Variants in NUP98 observed in about 807,000 individuals in gnomAD.
The protein encoded by NUP98 is nuclear pore complex protein Nup98-Nup96.
Under a neutral mutation model 191.9 loss-of-function variants are expected in NUP98, and 26 were observed. The ratio of observed to expected loss-of-function variants is 0.14; its 90% CI spans 0.10 to 0.19. NUP98 has a LOEUF of 0.19. Ranked by LOEUF, NUP98 falls within the 10% of genes least tolerant of loss-of-function variation. The pLI is 1.00. For synonymous variants in NUP98, 808 were observed against 778.4 expected, an observed-to-expected ratio of 1.04 and a Z score of -0.63; for missense variants, 1,941 against 2,178.8, an observed-to-expected ratio of 0.89 and a Z score of 2.17.
rs1420356922 is a variant in NUP98 at position 3,706,543 on chromosome 11, C to G, written c.2827G>C (p.Asp943His). 6.2e-7 allele frequency: 1 copy of G among 1,614,016 alleles called. No homozygotes were observed. Among genetic ancestry groups the G allele is most frequent in the African/African-American group, 1.3e-5 (1 of 74,920 alleles). Residue 943 changes from aspartate to histidine, a missense_variant, in exon 21 of 33, where the codon GAT becomes CAT. By Grantham distance (81) the Asp-to-His change is moderately conservative. Transcript: ENST00000324932. ...MVDITQEPVLDTMLEESMPED... is the reference protein window; with the variant it reads ...MVDITQEPVLHTMLEESMPED... ...GGCATGCTCTCTTCTAACATGGTAT[C>G]CAAAACTGGCTCCTGGGTGATATCT...
In NUP98 at chr11:3,744,524, G is replaced by T; in HGVS notation, c.1393C>A (p.Pro465Thr). The change falls in exon 12 of 33, where the codon CCC (proline) becomes ACC (threonine). Residue 465 changes from proline to threonine, a missense_variant. Coordinates refer to ENST00000324932, the MANE Select transcript of NUP98 (RefSeq NM_016320.5). ...TTTATLGFGA[P>T]QAPVALTDPN... ...TGACACTTACCTACTGGGGCCTGGG[G>T]GGCTCCAAAGCCCAAAGTGGCTGTC... The T allele has an allele frequency of 6.2e-7, 1 of 1,612,362 alleles. No individual in the cohort carries two copies. The highest frequency in any genetic ancestry group is 1.1e-5 in the South Asian group (1 of 90,798).
intron 12 of NUP98, among the ~76,000 whole-genome samples, chr11:3,737,621 C>T (rs140676292): frequency 6.6e-6 from 1 of 152,138 alleles, no homozygotes; most frequent in East Asian, 1.9e-4. Flanking sequence ...AGCGAGATTC[C>T]GTCTCAAAAA....
intron 29 of NUP98, among the ~76,000 whole-genome samples, chr11:3,683,937 G>A (rs2078057392): frequency 6.6e-6 from 1 of 152,168 alleles, no homozygotes; most frequent in African/African-American, 2.4e-5. Context: ...GCCAGGCACA[G>A]TGCCTCACGC....
intron 28 of NUP98, among the ~76,000 whole-genome samples, chr11:3,688,503 G>A (rs927108576): frequency 1.3e-5 from 2 of 151,110 alleles, no homozygotes; most frequent in Non-Finnish European, 3.0e-5. Flanking sequence ...AATTAATATA[G>A]TTAAATACTG....
chr11:3,696,009 T>C (rs1589975675), intron 25 of NUP98, among the ~76,000 whole-genome samples: 1 of 151,952 alleles, frequency 6.6e-6, no homozygotes, highest in African/African-American at 2.4e-5. Context: ...CTGACCAACA[T>C]GGTGAAACCC....
At chr11:3,774,633 G>A (rs935699503) in intron 5 of NUP98, among the ~76,000 whole-genome samples, 3 of 151,844 alleles carry the variant, frequency 2.0e-5, no homozygotes, top group South Asian at 2.1e-4. Flanking sequence ...CAGCAGAATC[G>A]CTTGAACCAG....
intron 12 of NUP98, among the ~76,000 whole-genome samples, chr11:3,739,608 C>T (rs1386514362): frequency 2.0e-5 from 3 of 152,082 alleles, no homozygotes; most frequent in Non-Finnish European, 4.4e-5. Context: ...CTCGAATTCA[C>T]CTCCGCTCTC....
intron 31 of NUP98, 163 bp downstream of exon 31, chr11:3,679,391 G>T: frequency 1.2e-6 from 1 of 845,854 alleles, no homozygotes; most frequent in Non-Finnish European, 2.0e-6. Flanking sequence ...CGATATAGCT[G>T]TCAGAAACGG....
chr11:3,778,667 A>G (rs889543872), intron 4 of NUP98, among the ~76,000 whole-genome samples: 1 of 152,204 alleles, frequency 6.6e-6, no homozygotes, highest in Non-Finnish European at 1.5e-5. Flanking sequence ...CAGTGCTTCA[A>G]ATTTCTATCC....
chr11:3,732,577 T>C (rs939945278), intron 13 of NUP98, among the ~76,000 whole-genome samples: 2 of 152,226 alleles, frequency 1.3e-5, no homozygotes, highest in African/African-American at 4.8e-5. Context: ...ATCCATCTTT[T>C]AGTAAACATT....
Position 3,702,280 on chromosome 11 carries a change from GAC to G in NUP98, c.3512+181_3512+182del, listed in dbSNP as rs537147629. On this transcript the variant is annotated intron_variant, in intron 23 of 32. Coordinates refer to ENST00000324932, the MANE Select transcript of NUP98 (RefSeq NM_016320.5). The stretch of plus-strand genomic sequence containing the variant: ...CACCGGGGAAACAGAGCAAAACTGA[GAC>G]ACACACACACACACACACACACACA... 5.9e-3 allele frequency among the ~76,000 whole-genome samples: 642 copies of G among 108,522 alleles called. 13 individuals carry two copies. Among genetic ancestry groups the G allele is most frequent in the East Asian group, 0.015 (58 of 3,762 alleles). 71.2% of individuals were successfully genotyped at this position (108,522 alleles called of 152,430 possible).
chr11:3,721,463 CG>C (rs1488757873), intron 16 of NUP98, among the ~76,000 whole-genome samples: 14 of 152,202 alleles, frequency 9.2e-5, no homozygotes, highest in Middle Eastern at 3.4e-3. Flanking sequence ...TTTGGGAGGC[CG>C]GGGTGAGTAA....
At chr11:3,742,984 C>T (rs2080340381) in intron 12 of NUP98, among the ~76,000 whole-genome samples, 1 of 152,014 alleles carries the variant, frequency 6.6e-6, no homozygotes, top group Non-Finnish European at 1.5e-5. Flanking sequence ...ACCCGTTTTT[C>T]ACTTCCTGTG....
intron 7 of NUP98, among the ~76,000 whole-genome samples, chr11:3,768,973 TG>T (rs1446206672): frequency 6.6e-6 from 1 of 152,228 alleles, no homozygotes; most frequent in African/African-American, 2.4e-5. Context: ...CTAGGCTAAA[TG>T]ATCTTCCCTT....
intron 20 of NUP98, among the ~76,000 whole-genome samples, chr11:3,708,874 T>C (rs974396556): frequency 1.3e-5 from 2 of 152,200 alleles, no homozygotes; most frequent in African/African-American, 4.8e-5. Context: ...GTATAATCTC[T>C]TGAAGGCAGC....
chr11:3,677,225 C>A (rs140840570), intron 31 of NUP98, among the ~76,000 whole-genome samples: 16 of 152,188 alleles, frequency 1.1e-4, no homozygotes, highest in African/African-American at 3.6e-4. Context: ...CCAAGAGAGG[C>A]TTCTTTAAGG....
intron 1 of NUP98, among the ~76,000 whole-genome samples, chr11:3,783,589 T>G (rs1564927355): frequency 6.6e-6 from 1 of 152,072 alleles, no homozygotes; most frequent in African/African-American, 2.4e-5. Flanking sequence ...ATCTCAGCTA[T>G]TTGGGAGGCT....
chr11:3,744,143 G>C (rs180994262), intron 12 of NUP98, among the ~76,000 whole-genome samples: 1 of 152,272 alleles, frequency 6.6e-6, no homozygotes, highest in African/African-American at 2.4e-5. Context: ...AATTATATTG[G>C]AAGAAGTAAA....
At chr11:3,708,443 G>A (rs954628593) in intron 20 of NUP98, among the ~76,000 whole-genome samples, 31 of 152,214 alleles carry the variant, frequency 2.0e-4, no homozygotes, top group African/African-American at 6.7e-4. Context: ...TAAGGGACTC[G>A]TCGTATGTTT....
Sources: allele counts gnomAD v4.1 joint callset (sites outside exome capture counted in the v4.1 genomes callset), GRCh38; gene constraint gnomAD v4.1.1; transcripts MANE v1.5; gene names NCBI Gene and HGNC (gene_info 2026-07-23, HGNC 2026-07-21).